The following ITPR2 variants were observed in gnomAD, a reference collection of about 807,000 sequenced individuals.
The protein encoded by ITPR2 is inositol 1,4,5-trisphosphate-gated calcium channel ITPR2.
A neutral mutation model predicts 317.1 loss-of-function variants in ITPR2; 207 were observed. That is an observed-to-expected ratio of 0.65 (90% CI 0.58 to 0.73). The LOEUF (loss-of-function observed/expected upper bound fraction) is 0.73. Ranked by LOEUF, ITPR2 falls within the 30% of genes least tolerant of loss-of-function variation. The probability of loss-of-function intolerance (pLI) is 0.00; values close to 1 mark genes in which losing one functional copy is unlikely to be tolerated. For missense variants in ITPR2, 2,613 were observed against 3,284.0 expected (o/e 0.80, Z 4.99); for synonymous variants, 1,156 against 1,149.1 (o/e 1.01, Z -0.12).
At chr12:26,536,716 C>A (rs1341158476) in intron 37 of ITPR2, among the ~76,000 whole-genome samples, 2 of 152,054 alleles carry the variant, frequency 1.3e-5, no homozygotes, top group Non-Finnish European at 2.9e-5. Context: ...TTGGCAGGAT[C>A]CACCAGGCCA....
intron 26 of ITPR2, among the ~76,000 whole-genome samples, chr12:26,616,979 C>A (rs890610969): frequency 6.6e-6 from 1 of 152,146 alleles, no homozygotes; most frequent in African/African-American, 2.4e-5. Flanking sequence ...TAAAAATACA[C>A]TACATAATTC....
At chr12:26,409,448 C>T (rs1940466976) in intron 52 of ITPR2, among the ~76,000 whole-genome samples, 1 of 152,200 alleles carries the variant, frequency 6.6e-6, no homozygotes, top group Non-Finnish European at 1.5e-5. Flanking sequence ...CATGTGAGAG[C>T]ATGTTCTAGT....
chr12:26,777,911 T>C (rs12581230), intron 2 of ITPR2, among the ~76,000 whole-genome samples: 59,525 of 152,044 alleles, frequency 0.39, 13,366 homozygotes, highest in Non-Finnish European at 0.53. Flanking sequence ...AATGATCAGA[T>C]ATTTTAGGGA....
intron 45 of ITPR2, among the ~76,000 whole-genome samples, chr12:26,472,563 T>C (rs561609508): frequency 6.6e-6 from 1 of 152,318 alleles, no homozygotes; most frequent in Non-Finnish European, 1.5e-5. Flanking sequence ...TTTATCTTCC[T>C]TTCAACAAGT....
At chr12:26,391,352 G>C (rs1939828479) in intron 54 of ITPR2, among the ~76,000 whole-genome samples, 1 of 151,992 alleles carries the variant, frequency 6.6e-6, no homozygotes, top group Non-Finnish European at 1.5e-5. Context: ...TTTGCCATCT[G>C]GGCAGGAAAA....
intron 54 of ITPR2, among the ~76,000 whole-genome samples, chr12:26,396,765 C>G (rs1940012371): frequency 6.6e-6 from 1 of 152,190 alleles, no homozygotes; most frequent in Non-Finnish European, 1.5e-5. Flanking sequence ...AGTACACACT[C>G]AATTTCAGGA....
At chr12:26,640,099 T>C (rs928421119) in intron 21 of ITPR2, among the ~76,000 whole-genome samples, 2 of 152,218 alleles carry the variant, frequency 1.3e-5, no homozygotes, top group African/African-American at 4.8e-5. Flanking sequence ...CTGGGGAGCC[T>C]ATGCAAGTGT....
chr12:26,722,698 A>G (rs946715192), intron 4 of ITPR2, 143 bp from the exon 5 acceptor site: 2 of 548,040 alleles, frequency 3.6e-6, no homozygotes, highest in African/African-American at 1.9e-5. Context: ...CAGCCTCCAC[A>G]CTCACCATCT....
chr12:26,646,396 G>A (rs1947115366), intron 21 of ITPR2, among the ~76,000 whole-genome samples: 1 of 151,312 alleles, frequency 6.6e-6, no homozygotes, highest in Non-Finnish European at 1.5e-5. Flanking sequence ...TAACTATGCT[G>A]CCAGAAAAAG....
intron 45 of ITPR2, among the ~76,000 whole-genome samples, chr12:26,465,798 C>T (rs1159627187): frequency 1.3e-5 from 2 of 152,044 alleles, no homozygotes; most frequent in African/African-American, 2.4e-5. Flanking sequence ...TTCCGTATCC[C>T]GTGCATTCCC....
chr12:26,655,633 G>T, intron 20 of ITPR2, 75 bp downstream of exon 20: 11 of 867,002 alleles, frequency 1.3e-5, no homozygotes, highest in Admixed American at 3.2e-5. Context: ...AAAAAAAAAA[G>T]CAGAGAAAAT....
intron 34 of ITPR2, among the ~76,000 whole-genome samples, chr12:26,573,092 A>T (rs1945202701): frequency 1.3e-5 from 2 of 151,938 alleles, no homozygotes; most frequent in South Asian, 4.2e-4. Flanking sequence ...TGGTGCGAAC[A>T]TAGCTCATTG....
At chr12:26,354,085 C>T (rs1938561017) in intron 55 of ITPR2, among the ~76,000 whole-genome samples, 1 of 152,056 alleles carries the variant, frequency 6.6e-6, no homozygotes, top group Non-Finnish European at 1.5e-5. Context: ...ACCAGCCCGG[C>T]CAACATGGTG....
At chr12:26,476,844 C>G in intron 44 of ITPR2, 68 bp downstream of exon 44, 1 of 935,744 alleles carries the variant, frequency 1.1e-6, no homozygotes, top group Non-Finnish European at 1.7e-6. Flanking sequence ...TTTTTTCTGA[C>G]ATGCATTCTC....
At chr12:26,676,408 C>A (rs1339980750) in intron 13 of ITPR2, among the ~76,000 whole-genome samples, 1 of 141,860 alleles carries the variant, frequency 7.0e-6, no homozygotes, top group Non-Finnish European at 1.5e-5. Flanking sequence ...GCCTGCGAGG[C>A]GGAGGTTGCA....
chr12:26,466,753 A>G (rs1221144096), intron 45 of ITPR2, among the ~76,000 whole-genome samples: 1 of 152,210 alleles, frequency 6.6e-6, no homozygotes, highest in Non-Finnish European at 1.5e-5. Context: ...TAAATAGCTC[A>G]CAGAGAAAAC....
At chr12:26,356,153 A>C (rs1370122416) in intron 55 of ITPR2, among the ~76,000 whole-genome samples, 1 of 152,198 alleles carries the variant, frequency 6.6e-6, no homozygotes, top group Non-Finnish European at 1.5e-5. Flanking sequence ...TGTCTTGCTG[A>C]CTCTGGGAAC....
chr12:26,394,964 G>C (rs956350045), intron 54 of ITPR2, among the ~76,000 whole-genome samples: 1 of 152,100 alleles, frequency 6.6e-6, no homozygotes, highest in Non-Finnish European at 1.5e-5. Context: ...TGGATGTCAG[G>C]AAAAAGAGCT....
chr12:26,667,410 C>T (rs1433121260), intron 13 of ITPR2, among the ~76,000 whole-genome samples: 1 of 152,132 alleles, frequency 6.6e-6, no homozygotes, highest in African/African-American at 2.4e-5. Context: ...TCTATGTTTT[C>T]TTGGTATGCC....
Sources: gnomAD v4.1 joint callset for allele counts (sites outside exome capture counted in the v4.1 genomes callset) on GRCh38, gnomAD v4.1.1 for gene constraint, MANE v1.5 for transcripts, NCBI Gene and HGNC (gene_info 2026-07-23, HGNC 2026-07-21) for gene names.